The following STX8 variants were observed in gnomAD, a reference collection of about 807,000 sequenced individuals.
STX8 encodes the protein syntaxin 8.
STX8 carries 23 observed loss-of-function variants against 37.5 expected under a neutral mutation model. The ratio of observed to expected loss-of-function variants is 0.61; its 90% CI spans 0.44 to 0.87. The LOEUF is 0.87. STX8 is among the 40% of genes least tolerant of loss of function. STX8 has a pLI of 0.00. For synonymous variants in STX8, 115 were observed against 99.1 expected (o/e 1.16, Z -0.95); for missense variants, 313 against 284.7 (o/e 1.10, Z -0.71).
intron 4 of STX8, among the ~76,000 whole-genome samples, chr17:9,512,264 A>G (rs1318131978): frequency 2.0e-5 from 3 of 152,232 alleles, no homozygotes; most frequent in Non-Finnish European, 4.4e-5. Context: ...TGGAACCACA[A>G]AAGACCCTGA....
In STX8 at chr17:9,494,615, CAAAAAAAA is replaced by C. The variant is rs35806606; in HGVS notation, c.449-2702_449-2695del. On this transcript the variant is annotated intron_variant, in intron 5 of 7. Coordinates refer to ENST00000306357, the MANE Select transcript of STX8 (RefSeq NM_004853.3). ...TGGGTAACAGAGTGAGAACCTGTCT[CAAAAAAAA>C]AAAAAAAAAAAAAAAAAAGATACAA... is the stretch of plus-strand genomic sequence containing the variant. Among the ~76,000 whole-genome samples the C allele has an allele frequency of 1.0e-3, 64 of 64,308 alleles. 1 individual carries two copies. Among genetic ancestry groups the C allele is most frequent in the African/African-American group, 2.8e-3 (48 of 17,224 alleles). The allele number at this position is 64,308 out of a possible 152,430, so 42.2% of individuals were successfully genotyped here. A position where few individuals can be genotyped will look rare whatever the true frequency, so the allele number is the denominator to read the frequency against.
chr17:9,462,924 C>T lies in STX8; in HGVS notation c.541+28905G>A, dbSNP rs555861918. Reference sequence around the variant, plus strand: ...AAAGAAATGGACTGGCCAAGGGGCCCGCCACACTTCCCAGACACCAGAAGA... The same window carrying T: ...AAAGAAATGGACTGGCCAAGGGGCCTGCCACACTTCCCAGACACCAGAAGA... On this transcript the variant is annotated intron_variant, in intron 6 of 7. Coordinates refer to ENST00000306357, the MANE Select transcript of STX8 (RefSeq NM_004853.3). 3.9e-5 allele frequency among the ~76,000 whole-genome samples: 6 copies of T among 152,252 alleles called. No individual in the cohort carries two copies. The East Asian group carries it at 1.2e-3, about 29-fold the overall frequency.
intron 7 of STX8, among the ~76,000 whole-genome samples, chr17:9,262,284 C>G (rs1450002318): frequency 2.0e-5 from 3 of 152,326 alleles, no homozygotes; most frequent in African/African-American, 7.2e-5. Context: ...AACCCTGCCT[C>G]CATACGCACA....
At chr17:9,558,931 T>A (rs541652508) in intron 2 of STX8, among the ~76,000 whole-genome samples, 3 of 151,972 alleles carry the variant, frequency 2.0e-5, no homozygotes, top group African/African-American at 7.3e-5. Context: ...ATTTGGGAGA[T>A]GAAAGACGGA....
chr17:9,309,898 T>G (rs2142189421), intron 7 of STX8, among the ~76,000 whole-genome samples: 1 of 152,316 alleles, frequency 6.6e-6, no homozygotes, highest in South Asian at 2.1e-4. Context: ...CAGAAACCAT[T>G]TCATATTTGA....
At chr17:9,387,036 C>T (rs909988238) in intron 6 of STX8, among the ~76,000 whole-genome samples, 1 of 151,772 alleles carries the variant, frequency 6.6e-6, no homozygotes, top group Admixed American at 6.6e-5. Flanking sequence ...ATTTCTAGAC[C>T]AACACAATAT....
chr17:9,317,188 G>GGTGAAAGAAAGAGC (rs1458566056), intron 7 of STX8, among the ~76,000 whole-genome samples: 5 of 152,090 alleles, frequency 3.3e-5, no homozygotes, highest in Admixed American at 6.6e-5. Context: ...AAGAACCAGT[G>GGTGAAAGAAAGAGC]GTGAAAGAAA....
rs376570220 is a variant in STX8 at position 9,271,361 on chromosome 17, T to A, written c.644-20716A>T. On this transcript the variant is annotated intron_variant, in intron 7 of 7. Transcript: ENST00000306357. ...CCCAATTACTCAGGTGGCTGAAGGATGAGAATCGCTTGAACCCAGGAAGCG... is the reference window on the plus strand; with the variant it reads ...CCCAATTACTCAGGTGGCTGAAGGAAGAGAATCGCTTGAACCCAGGAAGCG... Among the ~76,000 whole-genome samples the A allele has an allele frequency of 6.6e-5, 10 of 152,136 alleles. No individual in the cohort carries two copies. In the East Asian group the frequency reaches 9.7e-4, roughly 15 times the overall value.
intron 7 of STX8, among the ~76,000 whole-genome samples, chr17:9,324,106 TCTGTCTCTCTCTCTCTCTCTCACACA>T: frequency 7.1e-6 from 1 of 141,528 alleles, no homozygotes; most frequent in East Asian, 2.0e-4. Flanking sequence ...TCTCTCTCTC[TCTGTCTCTCTCTCTCTCTCTCACACA>T]CACACACACA....
At chr17:9,315,567 T>A (rs1909355847) in intron 7 of STX8, among the ~76,000 whole-genome samples, 1 of 152,228 alleles carries the variant, frequency 6.6e-6, no homozygotes, top group African/African-American at 2.4e-5. Context: ...ACCCTTTTCA[T>A]AAATATTCAT....
At position 9,525,117 on chromosome 17, in the gene STX8, C is replaced by T. The variant is rs552166027; in HGVS notation, c.324-19955G>A. Among the ~76,000 whole-genome samples the T allele has an allele frequency of 8.6e-5, 13 of 152,000 alleles. 1 individual carries two copies. The East Asian group carries it at 2.3e-3, about 27-fold the overall frequency. On this transcript the variant is annotated intron_variant, in intron 4 of 7. Coordinates refer to ENST00000306357, the MANE Select transcript of STX8 (RefSeq NM_004853.3). ...AGCCACTGCGCCTGGCCAACACCCA[C>T]GCTTTTAACTATGTCATCCTTTCCC...
chr17:9,494,002 T>G (rs7214095), intron 5 of STX8, among the ~76,000 whole-genome samples: 4 of 51,282 alleles, frequency 7.8e-5, no homozygotes, highest in Non-Finnish European at 2.5e-4. Flanking sequence ...TGTTTTTTTT[T>G]GTTTTGTTTT....
At chr17:9,324,131 C>CACACAA (rs1909674856) in intron 7 of STX8, among the ~76,000 whole-genome samples, 1 of 93,670 alleles carries the variant, frequency 1.1e-5, no homozygotes, top group South Asian at 3.1e-4. Context: ...CTCTCTCACA[C>CACACAA]ACACACACAC....
intron 6 of STX8, among the ~76,000 whole-genome samples, chr17:9,402,456 C>A (rs1382534589): frequency 6.6e-6 from 1 of 152,112 alleles, no homozygotes; most frequent in African/African-American, 2.4e-5. Flanking sequence ...ACTAATATAT[C>A]TCATTTTATT....
chr17:9,255,453 G>A lies in STX8; in HGVS notation c.644-4808C>T, dbSNP rs1414470527. Among the ~76,000 whole-genome samples the A allele has an allele frequency of 4.6e-5, 7 of 152,104 alleles. No homozygotes were observed. The East Asian group carries it at 1.3e-3, about 29-fold the overall frequency. On this transcript the variant is annotated intron_variant, in intron 7 of 7. Transcript: ENST00000306357. ...GAGGCAGGAGAATCACTTGAACTCG[G>A]GAGGCGGAGGTTGTGGTGAACTGAG... is the stretch of plus-strand genomic sequence containing the variant.
intron 4 of STX8, among the ~76,000 whole-genome samples, chr17:9,536,287 C>T (rs1039447360): frequency 9.2e-5 from 14 of 152,046 alleles, no homozygotes; most frequent in African/African-American, 2.4e-4. Context: ...AGGAGTCACT[C>T]GGAAGGGAAA....
intron 6 of STX8, among the ~76,000 whole-genome samples, chr17:9,436,858 CATTTTTCA>C (rs1280546653): frequency 6.6e-6 from 1 of 152,224 alleles, no homozygotes; most frequent in African/African-American, 2.4e-5. Context: ...TATTGACTCA[CATTTTTCA>C]AACGCTGACT....
chr17:9,480,281 C>T (rs886272744), intron 6 of STX8, among the ~76,000 whole-genome samples: 1 of 151,744 alleles, frequency 6.6e-6, no homozygotes, highest in African/African-American at 2.4e-5. Flanking sequence ...ATTTGTTTAA[C>T]GAATAAACAA....
At chr17:9,526,891 C>T (rs1032839113) in intron 4 of STX8, among the ~76,000 whole-genome samples, 2 of 151,002 alleles carry the variant, frequency 1.3e-5, no homozygotes, top group Non-Finnish European at 3.0e-5. Context: ...AAAAAAGTAA[C>T]GTAATGAGGC....
Sources: allele counts gnomAD v4.1 joint callset (sites outside exome capture counted in the v4.1 genomes callset), GRCh38; gene constraint gnomAD v4.1.1; transcripts MANE v1.5; gene names NCBI Gene and HGNC (gene_info 2026-07-23, HGNC 2026-07-21).